The following WRNIP1 variants were observed in gnomAD, a reference collection of about 807,000 sequenced individuals.
WRNIP1 encodes the protein WRN helicase interacting protein 1, also known as ATPase WRNIP1.
A neutral mutation model predicts 56.1 loss-of-function variants in WRNIP1; 41 were observed. That is an observed-to-expected ratio of 0.73 (90% CI 0.57 to 0.95). The LOEUF is 0.95. Among genes scored for constraint, WRNIP1 ranks in the 40% least tolerant of loss-of-function variants. The pLI is 0.00. For synonymous variants in WRNIP1, 547 were observed against 398.1 expected, an observed-to-expected ratio of 1.37 and a Z score of -4.45; for missense variants, 1,170 against 939.4, an observed-to-expected ratio of 1.25 and a Z score of -3.21.
rs757239854 is a variant in WRNIP1, at chr6:2,768,694, A to T, written c.826A>T (p.Thr276Ser). The T allele has an allele frequency of 6.2e-7, 1 of 1,604,130 alleles. No homozygotes were observed. Among genetic ancestry groups the T allele is most frequent in the Admixed American group, 1.7e-5 (1 of 58,716 alleles). ...CCATGTATGTCATCTTTTCTAGACC[A>T]CTCTGGCTCACATCATAGCCAGCAA... ...LWGPPGCGKT[T>S]LAHIIASNSK... is the part of the protein sequence containing the mutation. Residue 276 changes from threonine to serine, a missense_variant, in exon 2 of 7, where the codon ACT (threonine) becomes TCT (serine). Thr to Ser is a moderately conservative substitution (Grantham distance 58). Transcript: ENST00000380773.
rs768943713 is a variant in WRNIP1, at chr6:2,766,182, G to A, written c.560G>A (p.Gly187Glu). The A allele has an allele frequency of 7.3e-7, 1 of 1,374,812 alleles. No individual in the cohort carries two copies. The allele number at this position is 1,374,812 out of a possible 1,614,324, so 85.2% of individuals were successfully genotyped here. A position where few individuals can be genotyped will look rare whatever the true frequency, so the allele number is the denominator to read the frequency against. Residue 187 changes from glycine to glutamate, a missense_variant, in exon 1 of 7, where the codon GGG (glycine) becomes GAG (glutamate). By Grantham distance (98) the Gly-to-Glu change is moderately conservative. Coordinates refer to ENST00000380773, the MANE Select transcript of WRNIP1 (RefSeq NM_020135.3). ...GACGCGGACGGCGAGGACGACCCGG[G>A]GCACTGGGACGCGGACGCTGCCGAA... is the stretch of plus-strand genomic sequence containing the variant. ...DADADGEDDPGHWDADAAEAA... is the reference protein window; with the variant it reads ...DADADGEDDPEHWDADAAEAA...
Position 2,766,295 on chromosome 6 carries a change from A to G in WRNIP1, c.673A>G (p.Lys225Glu). Residue 225 changes from lysine (K) to glutamate (E), a missense_variant, in exon 1 of 7, where the codon AAG (lysine) becomes GAG (glutamate). Lys to Glu is a moderately conservative substitution (Grantham distance 56). Transcript: ENST00000380773. ...AEEIRQMLQG[K>E]PLADTMRPDT... Reference sequence around the variant, plus strand: ...GGAGATCCGACAGATGCTACAGGGCAAGCCGCTGGCCGACACGATGCGTCC... The same window carrying G: ...GGAGATCCGACAGATGCTACAGGGCGAGCCGCTGGCCGACACGATGCGTCC... The G allele has an allele frequency of 6.2e-7, 1 of 1,605,494 alleles. No homozygotes were observed. The highest frequency in any genetic ancestry group is 8.5e-7 in the Non-Finnish European group (1 of 1,176,998).
At position 2,785,314 on chromosome 6, in the gene WRNIP1, CT is replaced by C; in HGVS notation, c.*38del. Reference sequence around the variant, plus strand: ...AGGGCACGACAGCAGAAGGATGTTGCTTTTTTAAGGGAGGGCCAGAAAGAAA... The same window carrying C: ...AGGGCACGACAGCAGAAGGATGTTGCTTTTTAAGGGAGGGCCAGAAAGAAA... On this transcript the variant is annotated 3_prime_UTR_variant, in exon 7 of 7. Coordinates refer to ENST00000380773, the MANE Select transcript of WRNIP1 (RefSeq NM_020135.3). 1.9e-6 allele frequency: 3 copies of C among 1,597,994 alleles called. No individual in the cohort carries two copies. The highest frequency in any genetic ancestry group is 2.6e-6 in the Non-Finnish European group (3 of 1,169,844).
intron 1 of WRNIP1, among the ~76,000 whole-genome samples, chr6:2,767,581 G>A (rs1052250006): frequency 6.6e-6 from 1 of 152,226 alleles, no homozygotes; most frequent in Non-Finnish European, 1.5e-5. Context: ...TTATGATGAT[G>A]GTGGTCGAGT....
chr6:2,783,283 TCTC>T, intron 4 of WRNIP1, 120 bp from the exon 5 acceptor site: 1 of 1,124,082 alleles, frequency 8.9e-7, no homozygotes. Context: ...TGCCCAAACC[TCTC>T]CTCGGCTTTC....
Position 2,782,163 on chromosome 6 carries a change from G to A in WRNIP1, c.1487-1243G>A, listed in dbSNP as rs138453707. On this transcript the variant is annotated intron_variant, in intron 4 of 6. Coordinates refer to ENST00000380773, the MANE Select transcript of WRNIP1 (RefSeq NM_020135.3). ...CCTCCACCCTGCAGAGGAGCAGAGC[G>A]TAGCCTGAGTGCCTGGGCCAGCAGG... is the stretch of plus-strand genomic sequence containing the variant. Among the ~76,000 whole-genome samples the A allele has an allele frequency of 9.1e-4, 138 of 152,346 alleles. 1 individual carries two copies. Among genetic ancestry groups the A allele is most frequent in the Non-Finnish European group, 1.4e-3 (98 of 68,022 alleles).
At chr6:2,774,629 G>T (rs1561912844) in intron 3 of WRNIP1, among the ~76,000 whole-genome samples, 2 of 152,296 alleles carry the variant, frequency 1.3e-5, no homozygotes, top group East Asian at 1.9e-4. Flanking sequence ...ACAGTCACAG[G>T]TTCCAGGGAT....
chr6:2,772,333 TA>T (rs1765317387), intron 3 of WRNIP1, among the ~76,000 whole-genome samples: 1 of 152,220 alleles, frequency 6.6e-6, no homozygotes. Flanking sequence ...CTATTTCCAC[TA>T]CCGCTTGCTT....
Position 2,770,381 on chromosome 6 carries a change from C to T in WRNIP1, c.1256+20C>T. ...CTCAGAGTAAGTTGACAGTGTGCAG[C>T]GTCCTGGGGGCACACACCTCCCAGA... On this transcript the variant is annotated intron_variant, in intron 3 of 6. Transcript: ENST00000380773. 2 of 1,613,440 alleles carry T rather than the reference C, an allele frequency of 1.2e-6. No homozygotes were observed. Among genetic ancestry groups the T allele is most frequent in the East Asian group, 2.2e-5 (1 of 44,872 alleles).
chr6:2,778,890 A>G (rs12111319), intron 3 of WRNIP1, among the ~76,000 whole-genome samples: 3,141 of 152,350 alleles, frequency 0.021, 71 homozygotes, highest in African/African-American at 0.066. Flanking sequence ...CATGTTTTCC[A>G]TACACGGTAA....
At position 2,765,491 on chromosome 6, in the gene WRNIP1, G is replaced by C; in HGVS notation, c.-132G>C. On this transcript the variant is annotated 5_prime_UTR_variant, in exon 1 of 7. Transcript: ENST00000380773. Reference sequence around the variant, plus strand: ...TGAGGCATGAGCGGCGCCCTCCTCCGGCCCGCGAGCGTCCTGCTGGTTCCC... The same window carrying C: ...TGAGGCATGAGCGGCGCCCTCCTCCCGCCCGCGAGCGTCCTGCTGGTTCCC... 8.5e-7 allele frequency: 1 copy of C among 1,176,140 alleles called. No individual in the cohort carries two copies. 72.9% of individuals were successfully genotyped at this position (1,176,140 alleles called of 1,614,324 possible).
At position 2,765,854 on chromosome 6, in the gene WRNIP1, T is replaced by C. The variant is rs1420529843; in HGVS notation, c.232T>C (p.Ser78Pro). The change falls in exon 1 of 7, where the codon TCG (serine) becomes CCG (proline). Residue 78 changes from serine (S) to proline (P), a missense_variant. Physicochemically the swap from Ser to Pro is moderately conservative, Grantham distance 74 (BLOSUM62 -1). Transcript: ENST00000380773. ...CAAGAGGCGGCGGCTGTCGGAGAGC[T>C]CGGCGCTGAAGCAGCCAGCCACCCC... is the stretch of plus-strand genomic sequence containing the variant. ...GAKRRRLSES[S>P]ALKQPATPTA... 7.0e-7 allele frequency: 1 copy of C among 1,422,202 alleles called. No individual in the cohort carries two copies. The highest frequency in any genetic ancestry group is 9.2e-7 in the Non-Finnish European group (1 of 1,088,534). 88.1% of individuals were successfully genotyped at this position (1,422,202 alleles called of 1,614,324 possible).
chr6:2,773,288 G>C, intron 3 of WRNIP1: 5 of 985,430 alleles, frequency 5.1e-6, no homozygotes, highest in Non-Finnish European at 6.0e-6. Flanking sequence ...TGTGCCTTCA[G>C]AGGGAGCGCA....
At chr6:2,778,865 A>G (rs148733051) in intron 3 of WRNIP1, among the ~76,000 whole-genome samples, 1 of 152,342 alleles carries the variant, frequency 6.6e-6, no homozygotes, top group East Asian at 1.9e-4. Flanking sequence ...CATCGGATGT[A>G]GGCTGCATTT....
chr6:2,770,424 G>T (rs1212480729), intron 3 of WRNIP1, 63 bp downstream of exon 3: 84 of 1,592,862 alleles, frequency 5.3e-5, no homozygotes, highest in Non-Finnish European at 4.8e-5. Context: ...CTGGCAGGGG[G>T]CCAGAAAGGG....
At chr6:2,777,727 T>C (rs1250856201) in intron 3 of WRNIP1, among the ~76,000 whole-genome samples, 10 of 152,234 alleles carry the variant, frequency 6.6e-5, no homozygotes, top group Non-Finnish European at 1.3e-4. Context: ...GAAGACTTGC[T>C]AACTAATTTC....
intron 3 of WRNIP1, among the ~76,000 whole-genome samples, chr6:2,777,986 A>G (rs1765471610): frequency 1.3e-5 from 2 of 152,224 alleles, no homozygotes; most frequent in African/African-American, 4.8e-5. Flanking sequence ...GAATAACTGG[A>G]AATCAACTTT....
chr6:2,783,335 T>G, intron 4 of WRNIP1, 71 bp from the exon 5 acceptor site: 1 of 1,452,754 alleles, frequency 6.9e-7, no homozygotes, highest in Non-Finnish European at 9.2e-7. Context: ...GGAAGTCAGC[T>G]GGCGGAGGTG....
intron 4 of WRNIP1, among the ~76,000 whole-genome samples, chr6:2,781,384 C>G (rs56290903): frequency 0.11 from 16,759 of 152,266 alleles, 1,293 homozygotes; most frequent in East Asian, 0.32. Context: ...CATGTCTGCC[C>G]CACAGTGGAT....
Sources: allele counts gnomAD v4.1 joint callset (sites outside exome capture counted in the v4.1 genomes callset), GRCh38; gene constraint gnomAD v4.1.1; transcripts MANE v1.5; gene names NCBI Gene and HGNC (gene_info 2026-07-23, HGNC 2026-07-21).